The following PITPNM2 variants were observed in gnomAD, a reference collection of about 807,000 sequenced individuals.
PITPNM2 encodes phosphatidylinositol transfer protein membrane associated 2.
PITPNM2 carries 35 observed loss-of-function variants against 132.2 expected under a neutral mutation model. The observed-to-expected ratio is 0.26, with a 90% CI of 0.20 to 0.35. The LOEUF (loss-of-function observed/expected upper bound fraction) is 0.35. Among genes scored for constraint, PITPNM2 ranks in the 10% least tolerant of loss-of-function variants. The pLI is 1.00. For synonymous variants in PITPNM2, 738 were observed against 799.2 expected (o/e 0.92, Z 1.29); for missense variants, 1,332 against 1,912.0 (o/e 0.70, Z 5.66).
intron 2 of PITPNM2, among the ~76,000 whole-genome samples, chr12:123,057,236 T>A (rs1414836752): frequency 6.6e-6 from 1 of 151,586 alleles, no homozygotes; most frequent in East Asian, 1.9e-4. Flanking sequence ...CAAAATTAGC[T>A]AGGCATGGTG....
chr12:123,063,493 C>T (rs2136801795), intron 2 of PITPNM2, among the ~76,000 whole-genome samples: 1 of 152,300 alleles, frequency 6.6e-6, no homozygotes, highest in Middle Eastern at 3.4e-3. Context: ...TGCTTAAATG[C>T]ATAATATTTA....
In PITPNM2 at chr12:123,000,910, G is replaced by C; in HGVS notation, c.1154-62C>G. The C allele has an allele frequency of 6.3e-7, 1 of 1,596,810 alleles. No homozygotes were observed. Among genetic ancestry groups the C allele is most frequent in the Non-Finnish European group, 8.6e-7 (1 of 1,164,888 alleles). ...GCAGCCCAACCTGGCCGACCGGACA[G>C]AGGCTGCAACTGTGACGAGGGGAGC... On this transcript the variant is annotated intron_variant, in intron 9 of 25. Coordinates refer to ENST00000320201, the MANE Select transcript of PITPNM2 (RefSeq NM_020845.3). The surrounding 1 kb of genome is among the most constrained non-coding windows in gnomAD (Gnocchi z 5.4).
rs1289929673 is a variant in PITPNM2 at position 123,009,802 on chromosome 12, AG to A, written c.643+47del. On this transcript the variant is annotated intron_variant, in intron 6 of 25. Coordinates refer to ENST00000320201, the MANE Select transcript of PITPNM2 (RefSeq NM_020845.3). The surrounding 1 kb of genome is among the most constrained non-coding windows in gnomAD (Gnocchi z 4.8). ...CAGACAGGCAGGTGACAGGAGACAG[AG>A]GGGTTGGGTAGCCCAGCCACTGCCC... The A allele has an allele frequency of 5.9e-6, 9 of 1,526,588 alleles. No individual in the cohort carries two copies. The Admixed American group carries it at 8.4e-5, about 14-fold the overall frequency. The allele number at this position is 1,526,588 out of a possible 1,614,324, so 94.6% of individuals were successfully genotyped here. A position where few individuals can be genotyped will look rare whatever the true frequency, so the allele number is the denominator to read the frequency against.
chr12:123,075,704 C>T (rs957103136), intron 2 of PITPNM2: 6 of 152,270 alleles, frequency 3.9e-5, no homozygotes, highest in Non-Finnish European at 8.8e-5. Context: ...CCCTGCGGCT[C>T]CTTTCAAGTT....
Position 122,984,543 on chromosome 12 carries a change from AAAAT to A in PITPNM2, c.*1480_*1483del, listed in dbSNP as rs746488150. 1 of 152,380 alleles carries A rather than the reference AAAAT, an allele frequency of 6.6e-6. No homozygotes were observed. Among genetic ancestry groups the A allele is most frequent in the Non-Finnish European group, 1.5e-5 (1 of 68,054 alleles). 9.4% of individuals were successfully genotyped at this position (152,380 alleles called of 1,614,324 possible). A position where few individuals can be genotyped will look rare whatever the true frequency, so the allele number is the denominator to read the frequency against. Reference sequence around the variant, plus strand: ...TCCCTCCAGACTTTTTTCTCTGCACAAAATAAATAGCTTTCACTCTGTATAGACC... The same window carrying A: ...TCCCTCCAGACTTTTTTCTCTGCACAAAATAGCTTTCACTCTGTATAGACC... On this transcript the variant is annotated 3_prime_UTR_variant, in exon 26 of 26. Coordinates refer to ENST00000320201, the MANE Select transcript of PITPNM2 (RefSeq NM_020845.3).
At chr12:123,055,122 A>G (rs1233053034) in intron 2 of PITPNM2, among the ~76,000 whole-genome samples, 3 of 152,170 alleles carry the variant, frequency 2.0e-5, no homozygotes, top group Non-Finnish European at 2.9e-5. Context: ...AGGTCAAAAA[A>G]TGGTTGAAAA....
intron 1 of PITPNM2, among the ~76,000 whole-genome samples, chr12:123,149,185 T>G (rs1414572746): frequency 6.6e-6 from 1 of 152,136 alleles, no homozygotes; most frequent in Non-Finnish European, 1.5e-5. Context: ...GTCTCTCGAC[T>G]CCCGCAGTCC....
In PITPNM2 at chr12:123,000,956, T is replaced by G; in HGVS notation, c.1153+98A>C. On this transcript the variant is annotated intron_variant, in intron 9 of 25. Coordinates refer to ENST00000320201, the MANE Select transcript of PITPNM2 (RefSeq NM_020845.3). This position sits in a 1 kb window ranked among gnomAD's most constrained non-coding sequence, Gnocchi z 5.4. ...GGAGCTTGGGGGTCCCCAACTCACA[T>G]GTATGCCCAGCACTGTGCAGAAGCT... 10 of 1,532,764 alleles carry G rather than the reference T, an allele frequency of 6.5e-6. No homozygotes were observed. The highest frequency in any genetic ancestry group is 9.0e-6 in the Non-Finnish European group (10 of 1,107,336). 94.9% of individuals were successfully genotyped at this position (1,532,764 alleles called of 1,614,324 possible).
chr12:123,085,948 C>T (rs1234884051), intron 2 of PITPNM2, among the ~76,000 whole-genome samples: 1 of 152,234 alleles, frequency 6.6e-6, no homozygotes, highest in Non-Finnish European at 1.5e-5. Context: ...CAGCCAGATG[C>T]CACAGGGCAG....
At position 123,005,227 on chromosome 12, in the gene PITPNM2, C is replaced by T. The variant is rs745656820; in HGVS notation, c.952+13G>A. Reference sequence around the variant, plus strand: ...GACCTTGAGTGTGGGTGGCAGGTGGCGCAGGGCCTTACCTCCCCGCTTGGA... The same window carrying T: ...GACCTTGAGTGTGGGTGGCAGGTGGTGCAGGGCCTTACCTCCCCGCTTGGA... On this transcript the variant is annotated intron_variant, in intron 7 of 25. Coordinates refer to ENST00000320201, the MANE Select transcript of PITPNM2 (RefSeq NM_020845.3). This position sits in a 1 kb window ranked among gnomAD's most constrained non-coding sequence, Gnocchi z 6.2. 8 of 1,604,498 alleles carry T rather than the reference C, an allele frequency of 5.0e-6. No individual in the cohort carries two copies. The highest frequency in any genetic ancestry group is 1.1e-5 in the South Asian group (1 of 90,146).
At chr12:123,115,567 G>GCA (rs368616890) in intron 1 of PITPNM2, among the ~76,000 whole-genome samples, 98 of 150,928 alleles carry the variant, frequency 6.5e-4, no homozygotes, top group African/African-American at 2.1e-3. Context: ...ACACACACAT[G>GCA]CACACACACA....
chr12:123,100,895 C>T (rs1023037686), intron 2 of PITPNM2, among the ~76,000 whole-genome samples: 1 of 152,214 alleles, frequency 6.6e-6, no homozygotes. Context: ...ACGTCTATAA[C>T]TCCCTGGTTC....
At chr12:123,107,909 G>T (rs1182798492) in intron 2 of PITPNM2, among the ~76,000 whole-genome samples, 8 of 152,182 alleles carry the variant, frequency 5.3e-5, no homozygotes, top group Non-Finnish European at 1.0e-4. Context: ...ATGATGCCAA[G>T]AATTCTGAGG....
intron 2 of PITPNM2, among the ~76,000 whole-genome samples, chr12:123,044,201 G>A (rs1466789368): frequency 6.6e-6 from 1 of 152,204 alleles, no homozygotes; most frequent in Non-Finnish European, 1.5e-5. Context: ...TCGTAGGCTG[G>A]GGTTTGCTCA....
chr12:123,016,169 T>C (rs1210334527), intron 3 of PITPNM2, among the ~76,000 whole-genome samples: 5 of 151,598 alleles, frequency 3.3e-5, no homozygotes, highest in Non-Finnish European at 7.4e-5. Flanking sequence ...CTACTGAAAA[T>C]ACAAAAAGTA....
chr12:123,088,262 T>G (rs182490514), intron 2 of PITPNM2: 21 of 152,278 alleles, frequency 1.4e-4, no homozygotes, highest in Admixed American at 1.0e-3. Context: ...CTTTCTAAAT[T>G]TATTTAAGTT....
intron 2 of PITPNM2, chr12:123,089,842 C>G (rs193272358): frequency 3.7e-4 from 57 of 152,286 alleles, no homozygotes; most frequent in Admixed American, 3.7e-3. Flanking sequence ...TGTGAAAAGG[C>G]CTTGCTGTGA....
Position 123,005,681 on chromosome 12 carries a change from G to C in PITPNM2, c.644-133C>G. The C allele has an allele frequency of 1.3e-6, 1 of 771,520 alleles. No individual in the cohort carries two copies. Among genetic ancestry groups the C allele is most frequent in the Non-Finnish European group, 2.1e-6 (1 of 479,714 alleles). 47.8% of individuals were successfully genotyped at this position (771,520 alleles called of 1,614,324 possible). The stretch of plus-strand genomic sequence containing the variant: ...TGTTGCAGGTCAAACTAAAGTCACT[G>C]CCTGTCTGTGCCTCAGTTTCCCCAT... On this transcript the variant is annotated intron_variant, in intron 6 of 25. Transcript: ENST00000320201. This position sits in a 1 kb window ranked among gnomAD's most constrained non-coding sequence, Gnocchi z 6.2.
chr12:123,120,936 A>G (rs2043020651), intron 1 of PITPNM2, among the ~76,000 whole-genome samples: 1 of 152,382 alleles, frequency 6.6e-6, no homozygotes, highest in South Asian at 2.1e-4. Flanking sequence ...CCAGCCTCCA[A>G]AACATCCGGC....
Sources: allele counts gnomAD v4.1 joint callset (sites outside exome capture counted in the v4.1 genomes callset), GRCh38; gene constraint gnomAD v4.1.1; non-coding constraint Gnocchi (gnomAD v3.1); transcripts MANE v1.5; gene names NCBI Gene and HGNC (gene_info 2026-07-23, HGNC 2026-07-21).